PHF21A: variants seen among roughly 807,000 people sequenced by gnomAD.
The protein encoded by PHF21A is BHC80a.
In PHF21A, 11 loss-of-function variants were observed where a neutral mutation model predicts 82.5. The ratio of observed to expected loss-of-function variants is 0.13; its 90% confidence interval spans 0.08 to 0.22. The LOEUF (loss-of-function observed/expected upper bound fraction) is 0.22, where lower values mean the gene tolerates loss of function less well. Among genes scored for constraint, PHF21A ranks in the 10% least tolerant of loss-of-function variants. The pLI, the probability that PHF21A is intolerant of heterozygous loss-of-function variation, is 1.00. For synonymous variants in PHF21A, 297 were observed against 302.8 expected (o/e 0.98, Z 0.20); for missense variants, 579 against 837.8 (o/e 0.69, Z 3.81).
chr11:46,042,459 A>C (rs1309777347), intron 6 of PHF21A, among the ~76,000 whole-genome samples: 1 of 152,154 alleles, frequency 6.6e-6, no homozygotes, highest in Non-Finnish European at 1.5e-5. Context: ...GACACGTTAT[A>C]AGACTGGACT....
intron 16 of PHF21A, 37 bp from the exon 17 acceptor site, chr11:45,936,606 G>T (rs771138750): frequency 7.4e-7 from 1 of 1,348,528 alleles, no homozygotes; most frequent in African/African-American, 1.4e-5. Flanking sequence ...TGAGAAGGAG[G>T]TTTAAACACA....
chr11:45,933,817 G>A lies in PHF21A; in HGVS notation c.*151C>T. The A allele has an allele frequency of 4.4e-6, 3 of 683,446 alleles. No individual in the cohort carries two copies. Among genetic ancestry groups the A allele is most frequent in the East Asian group, 2.9e-5 (1 of 33,962 alleles). The allele number at this position is 683,446 out of a possible 1,614,324, so 42.3% of individuals were successfully genotyped here. On this transcript the variant is annotated 3_prime_UTR_variant, in exon 19 of 19. Coordinates refer to ENST00000676320, the MANE Select transcript of PHF21A (RefSeq NM_001352027.3). The stretch of plus-strand genomic sequence containing the variant: ...GAAGGATCAATTGGCAAACTCTGGT[G>A]CCACCTGGCACAAGCATCTTCTCTC...
Position 45,933,582 on chromosome 11 carries a change from A to T in PHF21A, c.*386T>A, listed in dbSNP as rs184070115. The T allele has an allele frequency of 5.8e-6, 1 of 172,158 alleles. No individual in the cohort carries two copies. Among genetic ancestry groups the T allele is most frequent in the African/African-American group, 2.4e-5 (1 of 42,262 alleles). The allele number at this position is 172,158 out of a possible 1,614,324, so 10.7% of individuals were successfully genotyped here. A position where few individuals can be genotyped will look rare whatever the true frequency, so the allele number is the denominator to read the frequency against. On this transcript the variant is annotated 3_prime_UTR_variant, in exon 19 of 19. Transcript: ENST00000676320. ...ACGGCTCGGCAAGTAAGGATCTGAA[A>T]CCTGCTCTCCTCCCTCCGCCCGTCC...
intron 4 of PHF21A, among the ~76,000 whole-genome samples, chr11:46,079,588 T>C (rs563630252): frequency 1.4e-4 from 21 of 152,164 alleles, no homozygotes; most frequent in Non-Finnish European, 2.1e-4. Flanking sequence ...GGCAGGTCTA[T>C]TGGTTTGTTT....
intron 10 of PHF21A, among the ~76,000 whole-genome samples, chr11:45,955,013 G>T (rs920122023): frequency 1.3e-5 from 2 of 152,134 alleles, no homozygotes; most frequent in African/African-American, 4.8e-5. Flanking sequence ...TAAAGAAAGC[G>T]TAAGCATCTG....
chr11:46,116,808 C>CA (rs1266677863), intron 1 of PHF21A: 3 of 151,958 alleles, frequency 2.0e-5, no homozygotes, highest in African/African-American at 7.3e-5. Flanking sequence ...ACTCAAAATA[C>CA]AAAACTTAGC....
chr11:45,976,079 G>T (rs952321042), intron 7 of PHF21A, among the ~76,000 whole-genome samples: 4 of 152,056 alleles, frequency 2.6e-5, no homozygotes, highest in African/African-American at 9.7e-5. Flanking sequence ...GGAGGGCTTG[G>T]CCTTATCTCC....
At chr11:45,988,382 T>A (rs1004308236) in intron 6 of PHF21A, among the ~76,000 whole-genome samples, 1 of 152,222 alleles carries the variant, frequency 6.6e-6, no homozygotes, top group Admixed American at 6.5e-5. Context: ...TAGCAGGCAG[T>A]ATATATCATG....
At chr11:46,091,667 G>T (rs2096925876) in intron 2 of PHF21A, among the ~76,000 whole-genome samples, 1 of 152,122 alleles carries the variant, frequency 6.6e-6, no homozygotes, top group Non-Finnish European at 1.5e-5. Context: ...CATATACTAA[G>T]GCCATCAAAT....
chr11:45,935,699 T>C lies in PHF21A; in HGVS notation c.1725A>G (p.Ser575=). The change falls in exon 18 of 19, where the codon TCA becomes TCG. Residue 575 remains serine, a synonymous_variant. Coordinates refer to ENST00000676320, the MANE Select transcript of PHF21A (RefSeq NM_001352027.3). Reference sequence around the variant, plus strand: ...GTTGTTCTCGTTCTTGTTTTAAATCTGAACTCCATTTAAGTAACTTCTGTT... The same window carrying C: ...GTTGTTCTCGTTCTTGTTTTAAATCCGAACTCCATTTAAGTAACTTCTGTT... ...EEKQKLLKWS[S]DLKQEREQLE... 1 of 1,486,058 alleles carries C rather than the reference T, an allele frequency of 6.7e-7. No individual in the cohort carries two copies. The highest frequency in any genetic ancestry group is 9.3e-7 in the Non-Finnish European group (1 of 1,070,276). The allele number at this position is 1,486,058 out of a possible 1,614,324, so 92.1% of individuals were successfully genotyped here.
At chr11:46,085,149 A>G (rs925280544) in intron 3 of PHF21A, among the ~76,000 whole-genome samples, 5 of 152,180 alleles carry the variant, frequency 3.3e-5, no homozygotes, top group African/African-American at 1.2e-4. Flanking sequence ...TACATTTAAC[A>G]AATTAATACT....
At chr11:45,970,137 G>T in intron 8 of PHF21A, 1 of 440,944 alleles carries the variant, frequency 2.3e-6, no homozygotes, top group Non-Finnish European at 4.1e-6. Context: ...ACCTAATGGA[G>T]AACATAGCAG....
At chr11:46,083,168 T>TAA (rs76595296) in intron 4 of PHF21A, among the ~76,000 whole-genome samples, 1 of 142,244 alleles carries the variant, frequency 7.0e-6, no homozygotes. Context: ...GAAGCAAAGT[T>TAA]AAAAAAAAAA....
rs72904369 is a variant in PHF21A at position 46,015,419 on chromosome 11, G to A, written c.154-35453C>T. Among the ~76,000 whole-genome samples, 195 of 152,042 alleles carry A rather than the reference G, an allele frequency of 1.3e-3. 1 individual carries two copies. Among genetic ancestry groups the A allele is most frequent in the Non-Finnish European group, 2.0e-3 (135 of 67,976 alleles). On this transcript the variant is annotated intron_variant, in intron 6 of 18. Transcript: ENST00000676320. ...ACTTAGCCATAAATTCTTTGCCTAG[G>A]CCAATTTCCAGAAAAGTATTTCCAA...
chr11:45,954,419 G>A (rs2135589212), intron 10 of PHF21A, among the ~76,000 whole-genome samples: 1 of 152,248 alleles, frequency 6.6e-6, no homozygotes, highest in South Asian at 2.1e-4. Context: ...ATCTCAGAGA[G>A]ACTGCAGAAC....
At position 45,981,413 on chromosome 11, in the gene PHF21A, A is replaced by T. The variant is rs943766099; in HGVS notation, c.154-1447T>A. On this transcript the variant is annotated intron_variant, in intron 6 of 18. Transcript: ENST00000676320. ...GTCTCAAAAAAAAAAAAAAAAAAAA[A>T]AAAAAACTATATTGCTCAGTAAATG... 4.6e-5 allele frequency among the ~76,000 whole-genome samples: 7 copies of T among 150,980 alleles called. No individual in the cohort carries two copies. In the East Asian group the frequency reaches 1.4e-3, roughly 30 times the overall value.
At chr11:46,087,732 G>C (rs1362008237) in intron 3 of PHF21A, among the ~76,000 whole-genome samples, 2 of 152,030 alleles carry the variant, frequency 1.3e-5, no homozygotes, top group East Asian at 1.9e-4. Context: ...GCCCAGGCTG[G>C]TCACGAATAC....
intron 15 of PHF21A, 150 bp from the exon 16 acceptor site, chr11:45,938,462 C>T (rs2089629293): frequency 3.1e-6 from 2 of 644,520 alleles, no homozygotes; most frequent in East Asian, 5.5e-5. Context: ...ACCAATAGCA[C>T]ATGCCCCTAC....
intron 1 of PHF21A, among the ~76,000 whole-genome samples, chr11:46,105,391 G>A (rs2097142254): frequency 6.6e-6 from 1 of 152,128 alleles, no homozygotes; most frequent in Admixed American, 6.5e-5. Flanking sequence ...ACATGCCCCT[G>A]ATGATTAGAT....
Sources: allele counts gnomAD v4.1 joint callset (sites outside exome capture counted in the v4.1 genomes callset), GRCh38; gene constraint gnomAD v4.1.1; transcripts MANE v1.5; gene names NCBI Gene and HGNC (gene_info 2026-07-23, HGNC 2026-07-21).